CRIM1: variants seen among roughly 807,000 people sequenced by gnomAD.
The protein encoded by CRIM1 is cysteine-rich motor neuron 1 protein.
Under a neutral mutation model 116.4 loss-of-function variants are expected in CRIM1, and 32 were observed. The ratio of observed to expected loss-of-function variants is 0.27; its 90% CI spans 0.21 to 0.37. CRIM1 has a LOEUF of 0.37. Ranked by LOEUF, CRIM1 falls within the 10% of genes least tolerant of loss-of-function variation. The pLI is 1.00. For missense variants in CRIM1, 1,331 were observed against 1,354.8 expected, an observed-to-expected ratio of 0.98 and a Z score of 0.28; for synonymous variants, 590 against 509.2, an observed-to-expected ratio of 1.16 and a Z score of -2.13.
In CRIM1 at chr2:36,443,253, C is replaced by T. The variant is rs572414604; in HGVS notation, c.869+518C>T. On this transcript the variant is annotated intron_variant, in intron 4 of 16. Coordinates refer to ENST00000280527, the MANE Select transcript of CRIM1 (RefSeq NM_016441.3). ...AACACATCTCTCTTTGGCTTGACTG[C>T]GGGGAAGAGCCACTGTCATTTTAAC... Among the ~76,000 whole-genome samples the T allele has an allele frequency of 4.6e-5, 7 of 152,278 alleles. No individual in the cohort carries two copies. The East Asian group carries it at 5.8e-4, about 13-fold the overall frequency.
intron 1 of CRIM1, among the ~76,000 whole-genome samples, chr2:36,375,130 C>T (rs967936387): frequency 2.0e-5 from 3 of 151,700 alleles, no homozygotes; most frequent in African/African-American, 7.3e-5. Context: ...TTTGCATATG[C>T]CGTATGCTTT....
chr2:36,361,204 T>C (rs1039371237), intron 1 of CRIM1, among the ~76,000 whole-genome samples: 5 of 152,174 alleles, frequency 3.3e-5, no homozygotes, highest in Non-Finnish European at 5.9e-5. Flanking sequence ...TTGTGTATTA[T>C]CAGAATGGCA....
At chr2:36,474,847 C>CAAAAAAAAAAAAAAAAAAAAAAAAA (rs56084308) in intron 5 of CRIM1, among the ~76,000 whole-genome samples, 2 of 90,764 alleles carry the variant, frequency 2.2e-5, no homozygotes, top group Admixed American at 1.6e-4. Context: ...GACTCTATAT[C>CAAAAAAAAAAAAAAAAAAAAAAAAA]AAAAAAAAAA....
chr2:36,528,109 A>G (rs1665876530), intron 13 of CRIM1, among the ~76,000 whole-genome samples: 1 of 152,214 alleles, frequency 6.6e-6, no homozygotes, highest in Non-Finnish European at 1.5e-5. Flanking sequence ...ACACAATTTA[A>G]GTGTATATTG....
intron 1 of CRIM1, among the ~76,000 whole-genome samples, chr2:36,376,261 G>A (rs1159540291): frequency 6.6e-6 from 1 of 152,148 alleles, no homozygotes; most frequent in Non-Finnish European, 1.5e-5. Context: ...ATTGCCAAAA[G>A]CTTCTTAACC....
intron 1 of CRIM1, among the ~76,000 whole-genome samples, chr2:36,389,443 T>C (rs993031961): frequency 1.3e-5 from 2 of 152,236 alleles, no homozygotes; most frequent in Non-Finnish European, 2.9e-5. Context: ...CACAGGGATA[T>C]GTGAACAGCT....
intron 1 of CRIM1, among the ~76,000 whole-genome samples, chr2:36,389,434 A>G (rs985094183): frequency 2.0e-4 from 30 of 152,354 alleles, no homozygotes; most frequent in Non-Finnish European, 4.4e-5. Context: ...TCCTGTAGCC[A>G]CAGGGATATG....
At chr2:36,479,887 T>C (rs1483550022) in intron 7 of CRIM1, among the ~76,000 whole-genome samples, 193 bp downstream of exon 7, 1 of 152,232 alleles carries the variant, frequency 6.6e-6, no homozygotes, top group African/African-American at 2.4e-5. Flanking sequence ...ATGAGAATAG[T>C]GTGGTCATTA....
Position 36,392,060 on chromosome 2 carries a change from A to C in CRIM1, c.332-4554A>C, listed in dbSNP as rs537631751. ...TGGGATGAAATGGGAAATACACATA[A>C]AGTAATTCTGCTGCATACTGAAGTA... On this transcript the variant is annotated intron_variant, in intron 1 of 16. Coordinates refer to ENST00000280527, the MANE Select transcript of CRIM1 (RefSeq NM_016441.3). Among the ~76,000 whole-genome samples the C allele has an allele frequency of 2.6e-3, 391 of 152,334 alleles. 1 individual carries two copies. Among genetic ancestry groups the C allele is most frequent in the African/African-American group, 9.2e-3 (383 of 41,572 alleles).
At chr2:36,412,052 G>A (rs919320988) in intron 2 of CRIM1, among the ~76,000 whole-genome samples, 9 of 152,070 alleles carry the variant, frequency 5.9e-5, no homozygotes, top group East Asian at 1.9e-4. Flanking sequence ...AGATAAAGTC[G>A]AAAACTGTCT....
intron 1 of CRIM1, among the ~76,000 whole-genome samples, chr2:36,384,435 G>A (rs1184419874): frequency 1.3e-5 from 2 of 152,306 alleles, no homozygotes; most frequent in East Asian, 3.9e-4. Context: ...CCCAAAGTGA[G>A]GACCCAGTGA....
At chr2:36,540,091 C>G (rs1263981043) in intron 14 of CRIM1, among the ~76,000 whole-genome samples, 2 of 151,988 alleles carry the variant, frequency 1.3e-5, no homozygotes, top group Admixed American at 6.6e-5. Context: ...AAGGAAGAAG[C>G]CAAGAGGGTC....
chr2:36,501,848 G>A (rs1681024409), intron 8 of CRIM1, among the ~76,000 whole-genome samples: 1 of 152,132 alleles, frequency 6.6e-6, no homozygotes, highest in Non-Finnish European at 1.5e-5. Flanking sequence ...TTCGGGGAAG[G>A]GTCAGTCCCT....
At chr2:36,441,938 C>T (rs186928982) in intron 3 of CRIM1, among the ~76,000 whole-genome samples, 15 of 152,282 alleles carry the variant, frequency 9.9e-5, no homozygotes, top group African/African-American at 2.2e-4. Context: ...TGCATCAAAA[C>T]GCCAGAAGTT....
intron 14 of CRIM1, among the ~76,000 whole-genome samples, chr2:36,539,352 CAGG>C (rs1558416817): frequency 6.6e-6 from 1 of 152,102 alleles, no homozygotes; most frequent in Non-Finnish European, 1.5e-5. Flanking sequence ...GGTGCATGTT[CAGG>C]AGGAGCTGTG....
intron 1 of CRIM1, among the ~76,000 whole-genome samples, chr2:36,379,742 CTTTTTTTTT>C (rs760969263): frequency 4.7e-5 from 5 of 106,386 alleles, no homozygotes; most frequent in African/African-American, 1.1e-4. Context: ...TTCTTTCTCT[CTTTTTTTTT>C]TTTTTTTTTT....
chr2:36,510,147 T>C lies in CRIM1; in HGVS notation c.1658+8T>C, dbSNP rs1681716407. ...TTGTCCACTTGGATTGCTGTACGTA[T>C]TTGTTAATTCAGAAAAGCTATTATG... On this transcript the variant is annotated splice_region_variant and intron_variant, in intron 9 of 16. Coordinates refer to ENST00000280527, the MANE Select transcript of CRIM1 (RefSeq NM_016441.3). The C allele has an allele frequency of 1.2e-6, 2 of 1,608,850 alleles. No individual in the cohort carries two copies. The highest frequency in any genetic ancestry group is 1.7e-6 in the Non-Finnish European group (2 of 1,177,874).
chr2:36,356,400 C>T lies in CRIM1; in HGVS notation c.108C>T (p.Val36=). 6.2e-7 allele frequency: 1 copy of T among 1,606,114 alleles called. No individual in the cohort carries two copies. Among genetic ancestry groups the T allele is most frequent in the Non-Finnish European group, 8.5e-7 (1 of 1,177,996 alleles). ...LLARSGTRAL[V]CLPCDESKCE... ...CGCGCTCCGGCACCCGGGCGCTGGT[C>T]TGCCTGCCCTGTGACGAGTCCAAGT... is the stretch of plus-strand genomic sequence containing the variant. Residue 36 remains valine (V), a synonymous_variant, in exon 1 of 17, where the codon GTC becomes GTT. Transcript: ENST00000280527. The surrounding 1 kb of genome is among the most constrained non-coding windows in gnomAD (Gnocchi z 4.3).
rs1387505945 is a variant in CRIM1, at chr2:36,550,347, G to T, written c.*1646G>T. The T allele has an allele frequency of 1.3e-5, 2 of 151,532 alleles. No individual in the cohort carries two copies. The highest frequency in any genetic ancestry group is 2.9e-5 in the Non-Finnish European group (2 of 67,932). 9.4% of individuals were successfully genotyped at this position (151,532 alleles called of 1,614,324 possible). A position where few individuals can be genotyped will look rare whatever the true frequency, so the allele number is the denominator to read the frequency against. On this transcript the variant is annotated 3_prime_UTR_variant, in exon 17 of 17. Coordinates refer to ENST00000280527, the MANE Select transcript of CRIM1 (RefSeq NM_016441.3). ...CAAATATAACTGACTGTATACTATAGTGGTAACTTTTCAAACAGCCCTTAG... is the reference window on the plus strand; with the variant it reads ...CAAATATAACTGACTGTATACTATATTGGTAACTTTTCAAACAGCCCTTAG...
Sources: gnomAD v4.1 joint callset for allele counts (sites outside exome capture counted in the v4.1 genomes callset) on GRCh38, gnomAD v4.1.1 for gene constraint, Gnocchi (gnomAD v3.1) non-coding constraint, MANE v1.5 for transcripts, NCBI Gene and HGNC (gene_info 2026-07-23, HGNC 2026-07-21) for gene names.